The following ZSWIM5 variants were observed in gnomAD, a reference collection of about 807,000 sequenced individuals.
The protein encoded by ZSWIM5 is zinc finger SWIM-type containing 5.
Under a neutral mutation model 119.6 loss-of-function variants are expected in ZSWIM5, and 55 were observed. The observed-to-expected ratio is 0.46, with a 90% confidence interval of 0.37 to 0.58. The LOEUF (loss-of-function observed/expected upper bound fraction) is 0.58, where lower values mean the gene tolerates loss of function less well. ZSWIM5 is among the 20% of genes least tolerant of loss of function. ZSWIM5 has a pLI of 0.00. For missense variants in ZSWIM5, 1,193 were observed against 1,512.8 expected, an observed-to-expected ratio of 0.79 and a Z score of 3.51; for synonymous variants, 537 against 606.9, an observed-to-expected ratio of 0.88 and a Z score of 1.69.
intron 2 of ZSWIM5, among the ~76,000 whole-genome samples, chr1:45,065,170 CAT>C (rs2149002322): frequency 6.6e-6 from 1 of 152,216 alleles, no homozygotes; most frequent in African/African-American, 2.4e-5. Context: ...TCAGGAGATC[CAT>C]AGAGATAAAA....
At chr1:45,039,807 C>T (rs1003449805) in intron 7 of ZSWIM5, among the ~76,000 whole-genome samples, 3 of 152,090 alleles carry the variant, frequency 2.0e-5, no homozygotes, top group Admixed American at 6.5e-5. Context: ...TGGGTTCCAG[C>T]GATTCTTCTG....
At chr1:45,066,383 G>A (rs1343888491) in intron 2 of ZSWIM5, among the ~76,000 whole-genome samples, 4 of 152,100 alleles carry the variant, frequency 2.6e-5, no homozygotes, top group Non-Finnish European at 5.9e-5. Context: ...TTATAGTTGG[G>A]GAGAGAGACC....
intron 5 of ZSWIM5, among the ~76,000 whole-genome samples, chr1:45,045,300 A>G (rs1278811467): frequency 6.6e-6 from 1 of 152,190 alleles, no homozygotes; most frequent in Non-Finnish European, 1.5e-5. Flanking sequence ...CTATTTTGGG[A>G]TCAAGAACTG....
intron 1 of ZSWIM5, among the ~76,000 whole-genome samples, chr1:45,094,062 T>C (rs1291928417): frequency 2.0e-5 from 3 of 149,892 alleles, no homozygotes; most frequent in African/African-American, 4.9e-5. Context: ...TATTTATTTA[T>C]TTATTTATTT....
chr1:45,206,066 G>A lies in ZSWIM5; in HGVS notation c.285C>T (p.Arg95=), dbSNP rs757487188. 1.9e-6 allele frequency: 3 copies of A among 1,611,684 alleles called. No individual in the cohort carries two copies. The highest frequency in any genetic ancestry group is 2.5e-6 in the Non-Finnish European group (3 of 1,179,314). ...RFERIPEPVQ[R]RIVYWSFPRN... ...GCGGGAAGGACCAGTAGACGATGCG[G>A]CGCTGCACGGGCTCCGGGATCCGCT... The change falls in exon 1 of 14, where the codon CGC becomes CGT. Residue 95 remains arginine, a synonymous_variant. Transcript: ENST00000359600.
chr1:45,199,295 T>C (rs1044294801), intron 1 of ZSWIM5, among the ~76,000 whole-genome samples: 1 of 137,986 alleles, frequency 7.2e-6, no homozygotes, highest in African/African-American at 2.7e-5. Flanking sequence ...TTCAATAGTC[T>C]TTTTTTTTTT....
At chr1:45,138,505 C>CAA (rs759005534) in intron 1 of ZSWIM5, among the ~76,000 whole-genome samples, 120 of 54,836 alleles carry the variant, frequency 2.2e-3, no homozygotes, top group Middle Eastern at 0.019. Flanking sequence ...AACTCCATCT[C>CAA]AAAAAAAAAA....
At chr1:45,150,897 A>C (rs1296017498) in intron 1 of ZSWIM5, among the ~76,000 whole-genome samples, 1 of 152,192 alleles carries the variant, frequency 6.6e-6, no homozygotes, top group Non-Finnish European at 1.5e-5. Context: ...CTAAACTTCC[A>C]CATTGCCATT....
chr1:45,196,754 G>A (rs573923686), intron 1 of ZSWIM5, among the ~76,000 whole-genome samples: 35 of 152,214 alleles, frequency 2.3e-4, no homozygotes, highest in Admixed American at 1.8e-3. Flanking sequence ...AGTAAAATTT[G>A]CCAATTTAAG....
At chr1:45,118,751 A>G (rs1780085) in intron 1 of ZSWIM5, among the ~76,000 whole-genome samples, 18 of 150,236 alleles carry the variant, frequency 1.2e-4, no homozygotes, top group Admixed American at 2.0e-4. Flanking sequence ...AAAAAAAAAA[A>G]AAAAGAAAAG....
chr1:45,095,774 A>G (rs934815749), intron 1 of ZSWIM5, among the ~76,000 whole-genome samples: 14 of 152,194 alleles, frequency 9.2e-5, no homozygotes, highest in Admixed American at 5.2e-4. Context: ...AATGGTTTTA[A>G]CAGTCATTGA....
chr1:45,168,673 A>C (rs1050701771), intron 1 of ZSWIM5, among the ~76,000 whole-genome samples: 1 of 150,604 alleles, frequency 6.6e-6, no homozygotes, highest in East Asian at 1.9e-4. Context: ...TCAAAAAAAA[A>C]AAAAAAAAAA....
chr1:45,159,239 A>G (rs971175746), intron 1 of ZSWIM5, among the ~76,000 whole-genome samples: 1 of 152,178 alleles, frequency 6.6e-6, no homozygotes, highest in Non-Finnish European at 1.5e-5. Context: ...TATATAATAT[A>G]GAACTTGCTT....
intron 1 of ZSWIM5, among the ~76,000 whole-genome samples, chr1:45,100,018 A>G (rs981408685): frequency 3.9e-5 from 6 of 152,220 alleles, no homozygotes; most frequent in African/African-American, 1.4e-4. Context: ...CACAACTCCT[A>G]TTCAACATAG....
rs180678630 is a variant in ZSWIM5 at position 45,019,174 on chromosome 1, C to T, written c.2838G>A (p.Leu946=). The T allele has an allele frequency of 6.8e-6, 11 of 1,613,754 alleles. No homozygotes were observed. In the East Asian group the frequency reaches 2.2e-4, roughly 33 times the overall value. ...LSLDYPQREE[L]ASCARTLALQ... ...GAGCCAGTGTGCGAGCACAGCTAGCCAGTTCCTCCCGCTGTGGATAGTCAA... is the reference window on the plus strand; with the variant it reads ...GAGCCAGTGTGCGAGCACAGCTAGCTAGTTCCTCCCGCTGTGGATAGTCAA... Residue 946 remains leucine (L), a synonymous_variant, in exon 14 of 14, where the codon CTG becomes CTA. Coordinates refer to ENST00000359600, the MANE Select transcript of ZSWIM5 (RefSeq NM_020883.2). This position sits in a 1 kb window ranked among gnomAD's most constrained non-coding sequence, Gnocchi z 5.0.
chr1:45,020,675 T>G lies in ZSWIM5; in HGVS notation c.2563A>C (p.Ser855Arg). The G allele has an allele frequency of 6.2e-7, 1 of 1,614,156 alleles. No homozygotes were observed. ...TTGAGCAGGGTGCTGTCAGTACTAC[T>G]GTCGGTGGGAGTAGCAATCTTGAAT... ...DAFKIATPTDSSTDSTLLNVA... is the reference protein window; with the variant it reads ...DAFKIATPTDRSTDSTLLNVA... The change falls in exon 12 of 14, where the codon AGT becomes CGT. Residue 855 changes from serine (S) to arginine (R), a missense_variant. Around this residue, in one of 2 missense-constraint regions of ZSWIM5, gnomAD observed 961 missense variants for 1,290.0 expected, o/e 0.74. Transcript: ENST00000359600.
intron 7 of ZSWIM5, 70 bp from the exon 8 acceptor site, chr1:45,039,143 T>G (rs1645003685): frequency 6.4e-7 from 1 of 1,562,126 alleles, no homozygotes; most frequent in Non-Finnish European, 8.8e-7. Flanking sequence ...GCCTGGGTCT[T>G]CTTATCAGTC....
At position 45,165,399 on chromosome 1, in the gene ZSWIM5, T is replaced by G. The variant is rs549192642; in HGVS notation, c.595+40357A>C. Among the ~76,000 whole-genome samples, 43 of 151,958 alleles carry G rather than the reference T, an allele frequency of 2.8e-4. No homozygotes were observed. In the East Asian group the frequency reaches 7.7e-3, roughly 27 times the overall value. On this transcript the variant is annotated intron_variant, in intron 1 of 13. Transcript: ENST00000359600. The stretch of plus-strand genomic sequence containing the variant: ...AAAATTGACACCCTAACATAACAAT[T>G]AAAAGAACTAGAGAAGCAAGAGCAA...
intron 1 of ZSWIM5, among the ~76,000 whole-genome samples, chr1:45,121,348 G>A (rs1645590858): frequency 6.6e-6 from 1 of 152,070 alleles, no homozygotes; most frequent in African/African-American, 2.4e-5. Flanking sequence ...CTCTCTGTAG[G>A]CTCTTATTCC....
Sources: allele counts gnomAD v4.1 joint callset (sites outside exome capture counted in the v4.1 genomes callset), GRCh38; gene constraint gnomAD v4.1.1; regional missense constraint gnomAD v4.1.1; non-coding constraint Gnocchi (gnomAD v3.1); transcripts MANE v1.5; gene names NCBI Gene and HGNC (gene_info 2026-07-23, HGNC 2026-07-21).